Variants in NTAQ1 observed in about 807,000 individuals in gnomAD.
NTAQ1 encodes protein N-terminal glutamine amidohydrolase.
Under a neutral mutation model 28.2 loss-of-function variants are expected in NTAQ1, and 21 were observed. That is an observed-to-expected ratio of 0.74 (90% CI 0.53 to 1.07). The LOEUF is 1.07. Ranked by LOEUF, NTAQ1 falls within the 50% of genes least tolerant of loss-of-function variation. The pLI, the probability that NTAQ1 is intolerant of heterozygous loss-of-function variation, is 0.00. For synonymous variants in NTAQ1, 105 were observed against 90.0 expected (o/e 1.17, Z -0.94); for missense variants, 264 against 256.6 (o/e 1.03, Z -0.20).
intron 6 of NTAQ1, among the ~76,000 whole-genome samples, chr8:123,460,942 C>G (rs1815806662): frequency 6.6e-6 from 1 of 152,330 alleles, no homozygotes. Context: ...ACATTTCACA[C>G]TTCTGTCAGG....
At chr8:123,449,950 C>CATATATATATATATATATATAT (rs529123810), downstream of NTAQ1, among the ~76,000 whole-genome samples, 1 of 42,878 alleles carries the variant, frequency 2.3e-5, no homozygotes, top group East Asian at 2.0e-3. Flanking sequence ...TGTGTGTGTG[C>CATATATATATATATATATATAT]ATATATATAT....
intron 6 of NTAQ1, among the ~76,000 whole-genome samples, chr8:123,453,178 C>T (rs1477171265): frequency 6.6e-6 from 1 of 152,148 alleles, no homozygotes; most frequent in African/African-American, 2.4e-5. Context: ...GTTTGACCTC[C>T]TTGGGGCCAG....
At chr8:123,445,722 C>CAGCCTCCGCATT (rs1002900422), downstream of NTAQ1, among the ~76,000 whole-genome samples, 1 of 152,138 alleles carries the variant, frequency 6.6e-6, no homozygotes, top group African/African-American at 2.4e-5. Flanking sequence ...TCTCCTGCCT[C>CAGCCTCCGCATT]AGCCTCCGCA....
At chr8:123,447,481 A>G (rs1476725252) in intron 6 of NTAQ1, among the ~76,000 whole-genome samples, 1 of 152,190 alleles carries the variant, frequency 6.6e-6, no homozygotes, top group African/African-American at 2.4e-5. Context: ...ATTGTATGCC[A>G]GGCAATTTTC....
downstream of NTAQ1, among the ~76,000 whole-genome samples, chr8:123,452,473 T>A (rs1390590058): frequency 1.3e-5 from 2 of 152,206 alleles, no homozygotes; most frequent in Non-Finnish European, 2.9e-5. Flanking sequence ...GGCAGATGCC[T>A]GTAATCCCAG....
intron 6 of NTAQ1, chr8:123,455,094 C>A (rs1815608237): frequency 6.6e-6 from 1 of 152,200 alleles, no homozygotes; most frequent in East Asian, 1.9e-4. Context: ...TATGATACTG[C>A]CACACGCAAA....
chr8:123,437,702 CAAAAA>C (rs67334148), intron 5 of NTAQ1, among the ~76,000 whole-genome samples: 1 of 137,166 alleles, frequency 7.3e-6, no homozygotes, highest in Non-Finnish European at 1.6e-5. Context: ...GACTCCATCT[CAAAAA>C]AAAAAAAAAA....
intron 6 of NTAQ1, among the ~76,000 whole-genome samples, chr8:123,462,258 G>C (rs1218797929): frequency 6.6e-6 from 1 of 152,146 alleles, no homozygotes; most frequent in Non-Finnish European, 1.5e-5. Context: ...ATGCTCTCCA[G>C]GTTGGTCTTG....
chr8:123,421,145 G>A (rs1368017783), intron 1 of NTAQ1, among the ~76,000 whole-genome samples: 5 of 151,930 alleles, frequency 3.3e-5, no homozygotes, highest in Non-Finnish European at 7.4e-5. Flanking sequence ...GTGCAGTGGT[G>A]CAATCATGGC....
At chr8:123,442,328 G>A (rs1815107136), downstream of NTAQ1, 1 of 152,028 alleles carries the variant, frequency 6.6e-6, no homozygotes, top group Admixed American at 6.6e-5. Context: ...AGCTGGGCAT[G>A]GTGGCTCATG....
intron 6 of NTAQ1, among the ~76,000 whole-genome samples, chr8:123,457,136 G>A (rs1213650503): frequency 6.6e-6 from 1 of 151,998 alleles, no homozygotes; most frequent in South Asian, 2.1e-4. Context: ...GCACAATCTC[G>A]GCTCACCGCA....
intron 6 of NTAQ1, among the ~76,000 whole-genome samples, chr8:123,456,083 C>T (rs1316604713): frequency 6.6e-6 from 1 of 152,128 alleles, no homozygotes; most frequent in Non-Finnish European, 1.5e-5. Context: ...TGACAGGGCT[C>T]AAGTTAGTGG....
At chr8:123,475,586 GT>G in the NTAQ1 span, among the ~76,000 whole-genome samples, 9 of 152,164 alleles carry the variant, frequency 5.9e-5, no homozygotes, top group African/African-American at 2.2e-4. Flanking sequence ...ACATATATCT[GT>G]ATAACTATTA....
At chr8:123,455,025 C>T (rs982455564) in intron 6 of NTAQ1, 4 of 152,184 alleles carry the variant, frequency 2.6e-5, no homozygotes, top group Non-Finnish European at 5.9e-5. Flanking sequence ...GGAAAAGTCA[C>T]CTGTCTTCCA....
At chr8:123,427,514 C>G (rs191741963) in intron 1 of NTAQ1, among the ~76,000 whole-genome samples, 1 of 152,028 alleles carries the variant, frequency 6.6e-6, no homozygotes, top group Non-Finnish European at 1.5e-5. Context: ...GTGATCCGCC[C>G]GCCTCGGCCT....
At chr8:123,431,508 T>A (rs947696400) in intron 3 of NTAQ1, among the ~76,000 whole-genome samples, 1 of 152,220 alleles carries the variant, frequency 6.6e-6, no homozygotes, top group Non-Finnish European at 1.5e-5. Flanking sequence ...ATATTGAGTG[T>A]GTTTTATATG....
At chr8:123,445,769 C>T (rs573049917), downstream of NTAQ1, among the ~76,000 whole-genome samples, 30 of 151,890 alleles carry the variant, frequency 2.0e-4, no homozygotes, top group East Asian at 5.8e-3. Flanking sequence ...CCACACTTGG[C>T]TAATTTTTGT....
At chr8:123,439,458 T>A (rs956735473) in intron 5 of NTAQ1, among the ~76,000 whole-genome samples, 7 of 151,614 alleles carry the variant, frequency 4.6e-5, no homozygotes, top group African/African-American at 1.7e-4. Flanking sequence ...TTCTCCTGCC[T>A]CAGCCTCCTG....
At chr8:123,425,983 C>G (rs1366606975) in intron 1 of NTAQ1, among the ~76,000 whole-genome samples, 1 of 152,182 alleles carries the variant, frequency 6.6e-6, no homozygotes, top group Non-Finnish European at 1.5e-5. Context: ...GAGATTGTGT[C>G]ACTGCACTCC....
Sources: allele counts gnomAD v4.1 joint callset (sites outside exome capture counted in the v4.1 genomes callset), GRCh38; gene constraint gnomAD v4.1.1; transcripts MANE v1.5; gene names NCBI Gene and HGNC (gene_info 2026-07-23, HGNC 2026-07-21).